The following NHS variants were observed in gnomAD, a reference collection of about 807,000 sequenced individuals.
NHS encodes the protein NHS actin remodeling regulator.
A neutral mutation model predicts 72.5 loss-of-function variants in NHS; 5 were observed. The observed-to-expected ratio is 0.07, with a 90% CI of 0.04 to 0.14. The LOEUF is 0.14. Ranked by LOEUF, NHS falls within the 10% of genes least tolerant of loss-of-function variation. The pLI is 1.00. For missense variants in NHS, 1,072 were observed against 1,355.7 expected (o/e 0.79, Z 3.29); for synonymous variants, 464 against 547.7 (o/e 0.85, Z 2.13).
intron 1 of NHS, among the ~76,000 whole-genome samples, chrX:17,437,678 G>A (rs888928906): frequency 8.9e-6 from 1 of 111,933 alleles, no homozygotes; most frequent in African/African-American, 3.3e-5. Flanking sequence ...AGCACTTCCT[G>A]TAAGTTTTGA....
At chrX:17,563,582 G>A (rs1433174771) in intron 1 of NHS, among the ~76,000 whole-genome samples, 2 of 112,406 alleles carry the variant, frequency 1.8e-5, no homozygotes, top group African/African-American at 6.5e-5. Flanking sequence ...GTATTGAAGA[G>A]GAAAAGCTTT....
rs183294408 is a variant in NHS at position 17,481,057 on chromosome X, G to A, written c.565+104735G>A. On this transcript the variant is annotated intron_variant, in intron 1 of 8. Transcript: ENST00000676302. Reference sequence around the variant, plus strand: ...AAACTTTACATTCTTCCTATTTTTAGTGCAGCCTGAGAATAAAAACATCTC... The same window carrying A: ...AAACTTTACATTCTTCCTATTTTTAATGCAGCCTGAGAATAAAAACATCTC... 2.7e-5 allele frequency among the ~76,000 whole-genome samples: 3 copies of A among 111,353 alleles called. No homozygotes were observed. In the East Asian group the frequency reaches 8.4e-4, roughly 31 times the overall value.
chrX:17,511,524 C>G (rs764273106), intron 1 of NHS, among the ~76,000 whole-genome samples: 1 of 111,578 alleles, frequency 9.0e-6, no homozygotes, highest in Non-Finnish European at 1.9e-5. Flanking sequence ...AAAAAAGCTT[C>G]TTAGGCCCTT....
intron 1 of NHS, among the ~76,000 whole-genome samples, chrX:17,615,193 CACATATAT>C (rs2065736100): frequency 2.4e-5 from 2 of 84,459 alleles, no homozygotes; most frequent in African/African-American, 1.2e-4. Flanking sequence ...AGTATATATA[CACATATAT>C]ACGTATATAT....
At chrX:17,649,103 CT>C (rs1009232433) in intron 1 of NHS, among the ~76,000 whole-genome samples, 1 of 111,790 alleles carries the variant, frequency 8.9e-6, no homozygotes, top group Non-Finnish European at 1.9e-5. Flanking sequence ...ACCAGCCTGT[CT>C]TTTTTCACAT....
At chrX:17,720,300 T>C (rs779036854) in intron 4 of NHS, among the ~76,000 whole-genome samples, 11 of 111,915 alleles carry the variant, frequency 9.8e-5, no homozygotes, top group Non-Finnish European at 1.5e-4. Context: ...AACAGTTCAT[T>C]TGACAATAGG....
At chrX:17,457,750 G>A (rs1378182838) in intron 1 of NHS, among the ~76,000 whole-genome samples, 1 of 111,639 alleles carries the variant, frequency 9.0e-6, no homozygotes, top group African/African-American at 3.3e-5. Flanking sequence ...AGTATGGAGA[G>A]CATCATATAC....
At chrX:17,639,273 T>C (rs142401458) in intron 1 of NHS, among the ~76,000 whole-genome samples, 1 of 112,297 alleles carries the variant, frequency 8.9e-6, no homozygotes, top group South Asian at 3.7e-4. Flanking sequence ...GGCTTGGCTC[T>C]GAGCATCAAA....
rs1337434902 is a variant in NHS at position 17,385,896 on chromosome X, G to T, written c.565+9574G>T. ...AATTTAACAAGAGTCCTAGAATCTTGGAATCATAGAGTTGGGAAAGACCTT... is the reference window on the plus strand; with the variant it reads ...AATTTAACAAGAGTCCTAGAATCTTTGAATCATAGAGTTGGGAAAGACCTT... On this transcript the variant is annotated intron_variant, in intron 1 of 8. Coordinates refer to ENST00000676302, the MANE Select transcript of NHS (RefSeq NM_001291867.2). Among the ~76,000 whole-genome samples the T allele has an allele frequency of 2.7e-5, 3 of 111,915 alleles. No individual in the cohort carries two copies. In the Admixed American group the frequency reaches 2.8e-4, roughly 11 times the overall value.
chrX:17,679,023 TG>T (rs1193721768), intron 1 of NHS, among the ~76,000 whole-genome samples: 1 of 111,279 alleles, frequency 9.0e-6, no homozygotes, highest in Admixed American at 9.5e-5. Flanking sequence ...AAACCAAGTT[TG>T]TACTGCACCT....
At chrX:17,557,111 G>GCTTC (rs2065381023) in intron 1 of NHS, 1 of 64,247 alleles carries the variant, frequency 1.6e-5, no homozygotes, top group Non-Finnish European at 2.4e-5. Context: ...GGGGGATTTT[G>GCTTC]TGTGTGTGTG....
At chrX:17,405,848 C>T (rs1432654980) in intron 1 of NHS, among the ~76,000 whole-genome samples, 8 of 112,024 alleles carry the variant, frequency 7.1e-5, no homozygotes, top group African/African-American at 9.8e-5. Context: ...GCACACGTGA[C>T]GTGTCCACTC....
In NHS at chrX:17,609,526, G is replaced by A. The variant is rs1044406141; in HGVS notation, c.566-78216G>A. Among the ~76,000 whole-genome samples, 3 of 111,811 alleles carry A rather than the reference G, an allele frequency of 2.7e-5. No individual in the cohort carries two copies. The South Asian group carries it at 1.1e-3, about 42-fold the overall frequency. ...AGAGATAAAGTGGAGGATCTTTGTT[G>A]GTGTCATATTATGAAGGGCTTCCAA... On this transcript the variant is annotated intron_variant, in intron 1 of 8. Coordinates refer to ENST00000676302, the MANE Select transcript of NHS (RefSeq NM_001291867.2).
chrX:17,726,566 T>C lies in NHS; in HGVS notation c.2460T>C (p.Gly820=). 1.7e-6 allele frequency: 2 copies of C among 1,212,004 alleles called. No individual in the cohort carries two copies. The highest frequency in any genetic ancestry group is 2.2e-6 in the Non-Finnish European group (2 of 895,573). ...GCCAGGGTGTAGGGGCTTCCCCTGG[T>C]CTTCCAGATTGTGCCTGGCAGGACT... The part of the protein sequence containing the change: ...ENGQGVGASP[G]LPDCAWQDYL... Residue 820 remains glycine (G), a synonymous_variant, in exon 7 of 9, where the codon GGT becomes GGC. Transcript: ENST00000676302.
Position 17,541,714 on chromosome X carries a change from A to G in NHS, c.566-146028A>G, listed in dbSNP as rs1213552165. ...CAGCCCTGCAGCTCATCTTTGGACTATTGGACCTGCATTGATCCCAGGATG... is the reference window on the plus strand; with the variant it reads ...CAGCCCTGCAGCTCATCTTTGGACTGTTGGACCTGCATTGATCCCAGGATG... On this transcript the variant is annotated intron_variant, in intron 1 of 8. Transcript: ENST00000676302. Among the ~76,000 whole-genome samples the G allele has an allele frequency of 2.9e-5, 3 of 104,484 alleles. No individual in the cohort carries two copies. In the Admixed American group the frequency reaches 3.1e-4, roughly 11 times the overall value. 90.7% of individuals were successfully genotyped at this position (104,484 alleles called of 115,157 possible). A position where few individuals can be genotyped will look rare whatever the true frequency, so the allele number is the denominator to read the frequency against.
intron 1 of NHS, among the ~76,000 whole-genome samples, chrX:17,501,822 C>T (rs188054728): frequency 8.9e-5 from 10 of 112,164 alleles, no homozygotes; most frequent in East Asian, 5.6e-4. Context: ...TCCCTTTCAG[C>T]GAGAAACCAA....
At chrX:17,731,224 CTTTTTTTTTTTTT>C (rs142686353) in intron 8 of NHS, among the ~76,000 whole-genome samples, 2 of 34,820 alleles carry the variant, frequency 5.7e-5, no homozygotes, top group Admixed American at 1.1e-3. Flanking sequence ...TAGTTTCTTC[CTTTTTTTTTTTTT>C]TTTTTTTTTT....
intron 3 of NHS, among the ~76,000 whole-genome samples, chrX:17,706,490 AACACACAC>A (rs200289537): frequency 4.8e-4 from 47 of 98,090 alleles, no homozygotes; most frequent in African/African-American, 1.3e-3. Flanking sequence ...TCAAAATAGA[AACACACAC>A]ACACACACAC....
intron 1 of NHS, among the ~76,000 whole-genome samples, chrX:17,479,170 CTG>C (rs753284399): frequency 5.4e-5 from 6 of 111,763 alleles, no homozygotes; most frequent in Non-Finnish European, 1.1e-4. Context: ...TTTTCTGTTC[CTG>C]TGTTAGTTTG....
Sources: allele counts gnomAD v4.1 joint callset (sites outside exome capture counted in the v4.1 genomes callset), GRCh38; gene constraint gnomAD v4.1.1; transcripts MANE v1.5; gene names NCBI Gene and HGNC (gene_info 2026-07-23, HGNC 2026-07-21).